PTPRT: variants seen among roughly 807,000 people sequenced by gnomAD.
PTPRT encodes the protein receptor-type tyrosine-protein phosphatase T.
Under a neutral mutation model 176.8 loss-of-function variants are expected in PTPRT, and 56 were observed. That is an observed-to-expected ratio of 0.32 (90% CI 0.26 to 0.40). PTPRT has a LOEUF of 0.40. PTPRT is among the 10% of genes least tolerant of loss of function. The probability of loss-of-function intolerance (pLI) is 1.00; values close to 1 mark genes in which losing one functional copy is unlikely to be tolerated. For synonymous variants in PTPRT, 783 were observed against 739.0 expected (o/e 1.06, Z -0.96); for missense variants, 1,540 against 1,908.2 (o/e 0.81, Z 3.60).
intron 15 of PTPRT, among the ~76,000 whole-genome samples, chr20:42,234,760 A>G (rs1022750972): frequency 2.0e-5 from 3 of 152,248 alleles, no homozygotes; most frequent in African/African-American, 7.2e-5. Flanking sequence ...TGTGGGATGA[A>G]TGAATAAGTG....
intron 1 of PTPRT, among the ~76,000 whole-genome samples, chr20:43,062,564 C>T (rs1274619782): frequency 6.6e-6 from 1 of 152,170 alleles, no homozygotes; most frequent in Non-Finnish European, 1.5e-5. Flanking sequence ...TATTAGCTCT[C>T]CCTGAAAACC....
chr20:42,112,060 T>C (rs1243183130), intron 22 of PTPRT, among the ~76,000 whole-genome samples: 1 of 152,142 alleles, frequency 6.6e-6, no homozygotes, highest in African/African-American at 2.4e-5. Flanking sequence ...TGAATCTACA[T>C]TAAGGCCTTT....
intron 3 of PTPRT, among the ~76,000 whole-genome samples, chr20:42,784,453 C>CT (rs1161418929): frequency 6.6e-6 from 1 of 152,036 alleles, no homozygotes; most frequent in Non-Finnish European, 1.5e-5. Context: ...TTAAGAGAGA[C>CT]TTTTTTTACC....
At chr20:42,104,779 T>C in intron 24 of PTPRT, 61 bp from the exon 25 acceptor site, 1 of 1,479,598 alleles carries the variant, frequency 6.8e-7, no homozygotes, top group African/African-American at 1.4e-5. Flanking sequence ...GGGAATTAGC[T>C]GTCCACATTT....
chr20:42,359,466 G>A (rs1008137087), intron 9 of PTPRT, among the ~76,000 whole-genome samples: 3 of 152,184 alleles, frequency 2.0e-5, no homozygotes, highest in African/African-American at 7.2e-5. Context: ...AACCACTGGG[G>A]AAGACCTGCA....
At chr20:42,635,146 T>C (rs1281652703) in intron 7 of PTPRT, among the ~76,000 whole-genome samples, 2 of 152,096 alleles carry the variant, frequency 1.3e-5, no homozygotes, top group Non-Finnish European at 2.9e-5. Context: ...CCTCTTGGTC[T>C]GAGAGGTTTC....
intron 16 of PTPRT, among the ~76,000 whole-genome samples, chr20:42,197,376 C>CAAAAAAAAAA (rs3086756): frequency 3.0e-5 from 1 of 33,312 alleles, no homozygotes; most frequent in African/African-American, 1.3e-4. Context: ...GAGACTCCAT[C>CAAAAAAAAAA]AAAAAAAAAA....
chr20:42,879,221 T>C (rs1253940729), intron 2 of PTPRT, among the ~76,000 whole-genome samples: 2 of 152,142 alleles, frequency 1.3e-5, no homozygotes, highest in Admixed American at 1.3e-4. Flanking sequence ...AAACCTATTG[T>C]CTCACAGTTC....
intron 13 of PTPRT, among the ~76,000 whole-genome samples, chr20:42,273,677 A>G (rs1385122318): frequency 1.3e-5 from 2 of 152,258 alleles, no homozygotes; most frequent in African/African-American, 2.4e-5. Flanking sequence ...TGTACTCAAT[A>G]AATGCTTACT....
At chr20:42,357,646 T>C (rs569683378) in intron 9 of PTPRT, among the ~76,000 whole-genome samples, 3 of 152,182 alleles carry the variant, frequency 2.0e-5, no homozygotes, top group Non-Finnish European at 4.4e-5. Context: ...CAGTGGCTCA[T>C]GTCTGAAATC....
chr20:42,126,961 C>A (rs543926152), intron 19 of PTPRT, among the ~76,000 whole-genome samples: 3 of 152,242 alleles, frequency 2.0e-5, no homozygotes, highest in Admixed American at 6.5e-5. Context: ...GAAGTTGCAG[C>A]CTCAGTTCTT....
At chr20:42,515,585 G>A (rs559132262) in intron 7 of PTPRT, among the ~76,000 whole-genome samples, 170 of 152,208 alleles carry the variant, frequency 1.1e-3, no homozygotes, top group Non-Finnish European at 1.9e-3. Flanking sequence ...GTTTGCAGCT[G>A]GGGTACAGAA....
intron 1 of PTPRT, among the ~76,000 whole-genome samples, chr20:42,978,112 G>C (rs1180029709): frequency 6.6e-6 from 1 of 152,018 alleles, no homozygotes; most frequent in East Asian, 1.9e-4. Flanking sequence ...CTGGTGCATT[G>C]GATAGTACCC....
chr20:42,046,728 G>A, the PTPRT span, among the ~76,000 whole-genome samples: 12 of 152,186 alleles, frequency 7.9e-5, no homozygotes, highest in Non-Finnish European at 1.2e-4. Flanking sequence ...TAGTTAGGCC[G>A]AGGAAGAACA....
intron 15 of PTPRT, among the ~76,000 whole-genome samples, chr20:42,218,155 C>A (rs184209707): frequency 6.6e-6 from 1 of 152,080 alleles, no homozygotes; most frequent in African/African-American, 2.4e-5. Context: ...TAGTGCATCC[C>A]CTGGATGGAA....
At chr20:42,761,955 T>A (rs2076921908) in intron 5 of PTPRT, among the ~76,000 whole-genome samples, 1 of 151,976 alleles carries the variant, frequency 6.6e-6, no homozygotes, top group Non-Finnish European at 1.5e-5. Flanking sequence ...GAAAGGAGGG[T>A]AGAGAGTGCA....
chr20:42,049,428 A>G, the PTPRT span, among the ~76,000 whole-genome samples: 1 of 152,200 alleles, frequency 6.6e-6, no homozygotes. Context: ...AAAATCATAA[A>G]AACCTTCTGT....
At chr20:42,514,591 A>G (rs6102883) in intron 7 of PTPRT, among the ~76,000 whole-genome samples, 1,684 of 152,294 alleles carry the variant, frequency 0.011, 26 homozygotes, top group African/African-American at 0.039. Context: ...AAGAAGAGAA[A>G]TTCAACGTTT....
intron 11 of PTPRT, among the ~76,000 whole-genome samples, chr20:42,317,873 T>C (rs1302857657): frequency 1.3e-5 from 2 of 152,212 alleles, no homozygotes; most frequent in Non-Finnish European, 1.5e-5. Flanking sequence ...ATGCCTGTTG[T>C]ACATACACAT....
Sources: gnomAD v4.1 joint callset for allele counts (sites outside exome capture counted in the v4.1 genomes callset) on GRCh38, gnomAD v4.1.1 for gene constraint, MANE v1.5 for transcripts, NCBI Gene and HGNC (gene_info 2026-07-23, HGNC 2026-07-21) for gene names.